Variants in STXBP5L observed in about 807,000 individuals in gnomAD.
STXBP5L encodes syntaxin binding protein 5L.
In STXBP5L, 65 loss-of-function variants were observed where a neutral mutation model predicts 144.5. The observed-to-expected ratio is 0.45, with a 90% CI of 0.37 to 0.55. The LOEUF is 0.55. STXBP5L is among the 20% of genes least tolerant of loss of function. The pLI, the probability that STXBP5L is intolerant of heterozygous loss-of-function variation, is 0.00. For missense variants in STXBP5L, 1,298 were observed against 1,405.5 expected (o/e 0.92, Z 1.22); for synonymous variants, 505 against 469.6 (o/e 1.08, Z -0.97).
intron 20 of STXBP5L, among the ~76,000 whole-genome samples, chr3:121,369,228 A>G (rs1455464541): frequency 6.6e-6 from 1 of 152,124 alleles, no homozygotes; most frequent in African/African-American, 2.4e-5. Flanking sequence ...TGAAAGTTGT[A>G]TGTCTTCAAT....
At chr3:121,035,542 T>C (rs1442289246) in intron 3 of STXBP5L, among the ~76,000 whole-genome samples, 1 of 152,076 alleles carries the variant, frequency 6.6e-6, no homozygotes, top group Non-Finnish European at 1.5e-5. Context: ...TATTTCTGGG[T>C]TCTCGATTCT....
chr3:121,291,518 A>G (rs2051438032), intron 19 of STXBP5L, among the ~76,000 whole-genome samples: 1 of 152,096 alleles, frequency 6.6e-6, no homozygotes, highest in Admixed American at 6.5e-5. Flanking sequence ...TTCCATCAAA[A>G]TACCATCATT....
chr3:121,274,059 C>G (rs2050806521), intron 18 of STXBP5L, among the ~76,000 whole-genome samples: 1 of 152,136 alleles, frequency 6.6e-6, no homozygotes, highest in Non-Finnish European at 1.5e-5. Flanking sequence ...TTTCAGATAA[C>G]TAATAGATCT....
chr3:120,918,513 T>A (rs1559872054), intron 2 of STXBP5L, among the ~76,000 whole-genome samples: 1 of 152,184 alleles, frequency 6.6e-6, no homozygotes, highest in Admixed American at 6.5e-5. Flanking sequence ...TACTCTTACA[T>A]TTCATTATTT....
intron 23 of STXBP5L, among the ~76,000 whole-genome samples, chr3:121,408,933 T>G (rs2047056852): frequency 6.6e-6 from 1 of 151,982 alleles, no homozygotes; most frequent in Non-Finnish European, 1.5e-5. Flanking sequence ...AACGGTTATG[T>G]TATTAGCATA....
At chr3:121,316,420 T>C (rs1425612984) in intron 19 of STXBP5L, among the ~76,000 whole-genome samples, 2 of 152,186 alleles carry the variant, frequency 1.3e-5, no homozygotes, top group Non-Finnish European at 2.9e-5. Context: ...TTTTAAAATT[T>C]TGATGAAACT....
At chr3:121,328,049 G>A (rs2044207010) in intron 20 of STXBP5L, among the ~76,000 whole-genome samples, 1 of 152,104 alleles carries the variant, frequency 6.6e-6, no homozygotes, top group African/African-American at 2.4e-5. Context: ...ATTCAAGTTT[G>A]TTAGGACATA....
intron 20 of STXBP5L, among the ~76,000 whole-genome samples, chr3:121,353,660 G>T (rs1207184254): frequency 4.6e-5 from 7 of 151,904 alleles, no homozygotes; most frequent in African/African-American, 1.7e-4. Flanking sequence ...TTTTTTGAAG[G>T]GTTTTTTGTG....
At chr3:121,315,217 A>G (rs1489792989) in intron 19 of STXBP5L, among the ~76,000 whole-genome samples, 1 of 152,194 alleles carries the variant, frequency 6.6e-6, no homozygotes, top group Admixed American at 6.5e-5. Flanking sequence ...TCACAATAGC[A>G]AAGACTTGGA....
intron 5 of STXBP5L, among the ~76,000 whole-genome samples, chr3:121,064,687 T>C (rs2041457041): frequency 2.0e-5 from 3 of 152,238 alleles, no homozygotes; most frequent in Admixed American, 2.0e-4. Flanking sequence ...TTTGTAGAGA[T>C]GTTCCACATT....
At chr3:121,101,049 T>C (rs1249119786) in intron 5 of STXBP5L, among the ~76,000 whole-genome samples, 4 of 151,994 alleles carry the variant, frequency 2.6e-5, no homozygotes, top group African/African-American at 9.6e-5. Flanking sequence ...AGGAAGAAAT[T>C]GAAACCCTGA....
chr3:121,053,446 C>T (rs1266497921), intron 5 of STXBP5L, among the ~76,000 whole-genome samples: 1 of 152,146 alleles, frequency 6.6e-6, no homozygotes, highest in Non-Finnish European at 1.5e-5. Flanking sequence ...TGCATATCTA[C>T]AACCATCTGA....
chr3:121,164,752 C>G (rs540304742), intron 9 of STXBP5L, among the ~76,000 whole-genome samples: 1 of 152,242 alleles, frequency 6.6e-6, no homozygotes, highest in East Asian at 1.9e-4. Flanking sequence ...ATAGCTGAAC[C>G]TGGAGGACAT....
chr3:121,356,345 C>T (rs1373472606), intron 20 of STXBP5L, among the ~76,000 whole-genome samples: 1 of 152,246 alleles, frequency 6.6e-6, no homozygotes, highest in Non-Finnish European at 1.5e-5. Flanking sequence ...GGTGGGCTCC[C>T]TCATTTTGAG....
intron 20 of STXBP5L, among the ~76,000 whole-genome samples, chr3:121,340,262 C>G (rs1385443446): frequency 6.6e-6 from 1 of 151,930 alleles, no homozygotes; most frequent in East Asian, 1.9e-4. Context: ...TACTTACAAC[C>G]AAATGATCTT....
intron 9 of STXBP5L, among the ~76,000 whole-genome samples, chr3:121,204,378 G>A (rs1190195569): frequency 6.6e-6 from 1 of 152,088 alleles, no homozygotes; most frequent in Non-Finnish European, 1.5e-5. Flanking sequence ...GAATGATTAT[G>A]GTCAATTTTT....
At chr3:121,208,928 C>T (rs756801784) in intron 10 of STXBP5L, among the ~76,000 whole-genome samples, 3 of 151,750 alleles carry the variant, frequency 2.0e-5, no homozygotes, top group Non-Finnish European at 4.4e-5. Flanking sequence ...ACCCCCACAA[C>T]CCCCAACAGG....
At chr3:121,373,504 C>G (rs749596463) in intron 20 of STXBP5L, among the ~76,000 whole-genome samples, 6 of 152,190 alleles carry the variant, frequency 3.9e-5, no homozygotes, top group Non-Finnish European at 8.8e-5. Context: ...TGCCCAATGA[C>G]TCCTGCATCT....
At chr3:120,982,261 C>T (rs111522271) in intron 3 of STXBP5L, among the ~76,000 whole-genome samples, 41 of 152,184 alleles carry the variant, frequency 2.7e-4, no homozygotes, top group South Asian at 4.2e-4. Context: ...CTGTAGAATG[C>T]CCAGTTTCCA....
Sources: gnomAD v4.1 joint callset for allele counts (sites outside exome capture counted in the v4.1 genomes callset) on GRCh38, gnomAD v4.1.1 for gene constraint, MANE v1.5 for transcripts, NCBI Gene and HGNC (gene_info 2026-07-23, HGNC 2026-07-21) for gene names.